The following REC8 variants were observed in gnomAD, a reference collection of about 807,000 sequenced individuals.
REC8 encodes meiotic recombination protein REC8 homolog.
REC8 carries 42 observed loss-of-function variants against 78.3 expected under a neutral mutation model. That is an observed-to-expected ratio of 0.54 (90% confidence interval 0.42 to 0.69). The LOEUF (loss-of-function observed/expected upper bound fraction) is 0.69. REC8 is among the 30% of genes least tolerant of loss of function. The pLI is 0.00. For synonymous variants in REC8, 268 were observed against 274.1 expected, an observed-to-expected ratio of 0.98 and a Z score of 0.22; for missense variants, 581 against 715.8, an observed-to-expected ratio of 0.81 and a Z score of 2.15.
Position 24,180,055 on chromosome 14 carries a change from A to G in REC8, c.1604A>G (p.Tyr535Cys). Reference sequence around the variant, plus strand: ...CTTCACGTGAAACAAGAAAAGCCATATGGTCGCCTCCTGATCCAGCCGGGG... The same window carrying G: ...CTTCACGTGAAACAAGAAAAGCCATGTGGTCGCCTCCTGATCCAGCCGGGG... ...QILHVKQEKP[Y>C]GRLLIQPGPR... The change falls in exon 19 of 19, where the codon TAT (tyrosine) becomes TGT (cysteine). Residue 535 changes from tyrosine (Y) to cysteine (C), a missense_variant. Physicochemically the swap from Tyr to Cys is radical, Grantham distance 194. Coordinates refer to ENST00000611366, the MANE Select transcript of REC8 (RefSeq NM_001048205.2). 1 of 1,614,136 alleles carries G rather than the reference A, an allele frequency of 6.2e-7. No individual in the cohort carries two copies. Among genetic ancestry groups the G allele is most frequent in the Non-Finnish European group, 8.5e-7 (1 of 1,180,030 alleles).
intron 5 of REC8, 190 bp from the exon 6 acceptor site, chr14:24,175,353 G>C (rs964689549): frequency 1.8e-6 from 1 of 545,534 alleles, no homozygotes; most frequent in East Asian, 3.1e-5. Context: ...GCGGGTTGGG[G>C]AGGGAGGTGA....
At chr14:24,179,279 C>T (rs2138798086) in intron 15 of REC8, 118 bp from the exon 16 acceptor site, 1 of 1,253,352 alleles carries the variant, frequency 8.0e-7, no homozygotes, top group East Asian at 2.3e-5. Context: ...TCAGCTCTCC[C>T]ACCTATGTGC....
intron 6 of REC8, among the ~76,000 whole-genome samples, chr14:24,176,355 CTTTTTT>C (rs777888260): frequency 7.9e-6 from 1 of 127,352 alleles, no homozygotes; most frequent in Non-Finnish European, 1.6e-5. Context: ...CCATACTCGG[CTTTTTT>C]TTTTTTTTTT....
In REC8 at chr14:24,172,346, C is replaced by T. The variant is rs1329712106; in HGVS notation, c.-207C>T. On this transcript the variant is annotated 5_prime_UTR_variant, in exon 1 of 19. Coordinates refer to ENST00000611366, the MANE Select transcript of REC8 (RefSeq NM_001048205.2). ...GGTCCACAGAGAGGGGCGCCCATCT[C>T]CTGCGTCTCAGTTATCCTGGTAATT... The T allele has an allele frequency of 1.7e-6, 1 of 574,768 alleles. No individual in the cohort carries two copies. Among genetic ancestry groups the T allele is most frequent in the African/African-American group, 1.9e-5 (1 of 53,294 alleles). 35.6% of individuals were successfully genotyped at this position (574,768 alleles called of 1,614,324 possible).
intron 5 of REC8, among the ~76,000 whole-genome samples, chr14:24,173,749 A>C (rs2038770362): frequency 1.3e-5 from 2 of 152,168 alleles, no homozygotes; most frequent in African/African-American, 2.4e-5. Context: ...ATACTCCTAC[A>C]GCTTAATGTC....
chr14:24,172,266 A>T lies in REC8; in HGVS notation c.-287A>T. On this transcript the variant is annotated 5_prime_UTR_variant, in exon 1 of 19. Transcript: ENST00000611366. Reference sequence around the variant, plus strand: ...TGGAGCTCTGCATCTCCAACCTGGAACCCAACCCAGAAGTCTCAAGTTTGA... The same window carrying T: ...TGGAGCTCTGCATCTCCAACCTGGATCCCAACCCAGAAGTCTCAAGTTTGA... The T allele has an allele frequency of 2.1e-6, 1 of 486,140 alleles. No homozygotes were observed. The highest frequency in any genetic ancestry group is 2.9e-5 in the South Asian group (1 of 34,846). The allele number at this position is 486,140 out of a possible 1,614,324, so 30.1% of individuals were successfully genotyped here. A position where few individuals can be genotyped will look rare whatever the true frequency, so the allele number is the denominator to read the frequency against.
intron 7 of REC8, 101 bp downstream of exon 7, chr14:24,177,002 T>C (rs2038925610): frequency 7.5e-7 from 1 of 1,334,452 alleles, no homozygotes; most frequent in Non-Finnish European, 1.1e-6. Context: ...CCCTATTCTC[T>C]GTCCCTGGCA....
chr14:24,179,243 C>A, intron 15 of REC8, 110 bp downstream of exon 15: 1 of 1,201,912 alleles, frequency 8.3e-7, no homozygotes. Flanking sequence ...GTGTGTGTGA[C>A]ATAAGGAAGC....
chr14:24,179,234 T>C, intron 15 of REC8, 101 bp downstream of exon 15: 1 of 1,232,458 alleles, frequency 8.1e-7, no homozygotes, highest in Non-Finnish European at 1.2e-6. Context: ...TGAAGGCGTG[T>C]GTGTGTGACA....
rs2038697747 is a variant in REC8 at position 24,172,162 on chromosome 14, C to G, written c.-391C>G. ...CCCAGGGGCCTGACATCGCTCCCAG[C>G]GCTCGAGGACCGAGGCCTGCTGTGG... On this transcript the variant is annotated 5_prime_UTR_variant, in exon 1 of 19. Transcript: ENST00000611366. 1 of 215,558 alleles carries G rather than the reference C, an allele frequency of 4.6e-6. No individual in the cohort carries two copies. The highest frequency in any genetic ancestry group is 2.3e-5 in the African/African-American group (1 of 43,370). The allele number at this position is 215,558 out of a possible 1,614,324, so 13.4% of individuals were successfully genotyped here. A position where few individuals can be genotyped will look rare whatever the true frequency, so the allele number is the denominator to read the frequency against.
chr14:24,175,490 A>G, intron 5 of REC8, 53 bp from the exon 6 acceptor site: 2 of 1,405,242 alleles, frequency 1.4e-6, no homozygotes, highest in Non-Finnish European at 2.0e-6. Flanking sequence ...AAAAGTGGGA[A>G]AGCAGGGGGC....
chr14:24,173,381 C>T lies in REC8; in HGVS notation c.432C>T (p.Pro144=), dbSNP rs775862961. 1.7e-5 allele frequency: 27 copies of T among 1,614,154 alleles called. No homozygotes were observed. The South Asian group carries it at 2.9e-4, about 17-fold the overall frequency. ...DPFFGMMSVD[P]RLPSPFDIPQ... ...TTTTTGGGATGATGTCTGTGGATCC[C>T]AGACTTCCTAGTCCTTTCGATATCC... is the stretch of plus-strand genomic sequence containing the variant. The change falls in exon 5 of 19, where the codon CCC becomes CCT. Residue 144 remains proline (P), a synonymous_variant. Transcript: ENST00000611366.
At position 24,178,635 on chromosome 14, in the gene REC8, C is replaced by G. The variant is rs1462187061; in HGVS notation, c.1026C>G (p.Ile342Met). 1 of 1,614,086 alleles carries G rather than the reference C, an allele frequency of 6.2e-7. No individual in the cohort carries two copies. Among genetic ancestry groups the G allele is most frequent in the South Asian group, 1.1e-5 (1 of 91,082 alleles). Residue 342 changes from isoleucine to methionine, a missense_variant, in exon 13 of 19, where the codon ATC (isoleucine) becomes ATG (methionine). Coordinates refer to ENST00000611366, the MANE Select transcript of REC8 (RefSeq NM_001048205.2). The part of the protein sequence containing the change: ...CPMVQPPERT[I>M]RGPAELFRTP... ...TGGTGCAGCCGCCCGAGAGGACCAT[C>G]AGAGGCCCTGCGGAGTTGTTCAGAA...
At chr14:24,172,640 G>T (rs1215950177) in intron 1 of REC8, 32 bp downstream of exon 1, 2 of 1,612,748 alleles carry the variant, frequency 1.2e-6, no homozygotes, top group Non-Finnish European at 1.7e-6. Flanking sequence ...GCGCGATGGC[G>T]GACGCTGCCC....
chr14:24,173,094 C>T, intron 3 of REC8, 32 bp from the exon 4 acceptor site: 3 of 1,613,098 alleles, frequency 1.9e-6, no homozygotes, highest in South Asian at 1.1e-5. Flanking sequence ...GTCTGCTAAG[C>T]TGGCTGTCTA....
intron 12 of REC8, 42 bp downstream of exon 12, chr14:24,178,264 G>T (rs759185922): frequency 6.4e-7 from 1 of 1,556,760 alleles, no homozygotes; most frequent in East Asian, 2.3e-5. Flanking sequence ...GAGGGAGGCA[G>T]GGATGACCAG....
chr14:24,172,586 A>G lies in REC8; in HGVS notation c.34A>G (p.Thr12Ala). 1.2e-6 allele frequency: 2 copies of G among 1,613,272 alleles called. No homozygotes were observed. Among genetic ancestry groups the G allele is most frequent in the Non-Finnish European group, 1.7e-6 (2 of 1,179,446 alleles). The change falls in exon 1 of 19, where the codon ACC becomes GCC. Residue 12 changes from threonine to alanine, a missense_variant. Transcript: ENST00000611366. ...CTATCCCAACGTGCTTCAGCGCCAC[A>G]CCGGCTGCTTTGCCACCATCTGGTA... The part of the protein sequence containing the change: ...FYYPNVLQRH[T>A]GCFATIWLAA...
chr14:24,176,664 G>C (rs1405200310), intron 6 of REC8, among the ~76,000 whole-genome samples, 158 bp from the exon 7 acceptor site: 1 of 152,148 alleles, frequency 6.6e-6, no homozygotes, highest in Non-Finnish European at 1.5e-5. Context: ...GGCTCACAGT[G>C]GTTAAGCAGT....
At chr14:24,177,112 C>T (rs2038930606) in intron 7 of REC8, 29 bp from the exon 8 acceptor site, 1 of 1,602,746 alleles carries the variant, frequency 6.2e-7, no homozygotes, top group Non-Finnish European at 8.5e-7. Context: ...TTATTGAATC[C>T]CCTCCCCTTG....
Sources: gnomAD v4.1 joint callset for allele counts (sites outside exome capture counted in the v4.1 genomes callset) on GRCh38, gnomAD v4.1.1 for gene constraint, MANE v1.5 for transcripts, NCBI Gene and HGNC (gene_info 2026-07-23, HGNC 2026-07-21) for gene names.